SCUBE1: variants seen among roughly 807,000 people sequenced by gnomAD.
The protein encoded by SCUBE1 is signal peptide, CUB domain and EGF like domain containing 1.
A neutral mutation model predicts 124.4 loss-of-function variants in SCUBE1; 59 were observed. That is an observed-to-expected ratio of 0.47 (90% confidence interval 0.38 to 0.59). The LOEUF is 0.59. SCUBE1 is among the 20% of genes least tolerant of loss of function. SCUBE1 has a pLI of 0.00. For missense variants in SCUBE1, 1,150 were observed against 1,371.2 expected (o/e 0.84, Z 2.55); for synonymous variants, 545 against 550.9 (o/e 0.99, Z 0.15).
chr22:43,231,571 G>GT (rs1922553501), intron 8 of SCUBE1, among the ~76,000 whole-genome samples, 182 bp downstream of exon 8: 1 of 152,178 alleles, frequency 6.6e-6, no homozygotes, highest in South Asian at 2.1e-4. Flanking sequence ...GAGCCTCAGT[G>GT]TCCCATCAAT....
At chr22:43,331,410 T>C (rs887558559) in intron 2 of SCUBE1, among the ~76,000 whole-genome samples, 2 of 152,218 alleles carry the variant, frequency 1.3e-5, no homozygotes, top group African/African-American at 4.8e-5. Flanking sequence ...TATAGCATTT[T>C]GGAAAAGGCC....
chr22:43,238,995 A>G, intron 6 of SCUBE1, 41 bp from the exon 7 acceptor site: 1 of 1,507,782 alleles, frequency 6.6e-7, no homozygotes, highest in Non-Finnish European at 9.2e-7. Flanking sequence ...TTCCTTGGAC[A>G]GAAGCCACTG....
At position 43,211,084 on chromosome 22, in the gene SCUBE1, C is replaced by G. The variant is rs1921530577; in HGVS notation, c.2222-1G>C. On this transcript the variant is annotated splice_acceptor_variant, in intron 17 of 21. Transcript: ENST00000360835. LOFTEE classifies it high-confidence loss of function. This position sits in a 1 kb window ranked among gnomAD's most constrained non-coding sequence, Gnocchi z 4.5. ...TAGTGGTGGCCGGGGGAGCAGTGCA[C>G]TGCCGGGGGACACAAGGCAGTGTGG... The G allele has an allele frequency of 1.9e-6, 3 of 1,607,598 alleles. No individual in the cohort carries two copies. Among genetic ancestry groups the G allele is most frequent in the Non-Finnish European group, 2.5e-6 (3 of 1,176,924 alleles).
At chr22:43,303,908 A>C (rs896408423) in intron 3 of SCUBE1, among the ~76,000 whole-genome samples, 1 of 152,320 alleles carries the variant, frequency 6.6e-6, no homozygotes, top group Middle Eastern at 3.4e-3. Flanking sequence ...AGCCACGGCG[A>C]GCTGAGCTAA....
At chr22:43,207,748 C>G in intron 20 of SCUBE1, 135 bp from the exon 21 acceptor site, 1 of 742,700 alleles carries the variant, frequency 1.3e-6, no homozygotes, top group East Asian at 2.7e-5. Context: ...GCAGCTCTGC[C>G]TCTGTGCCTT....
chr22:43,280,043 G>A (rs1412803850), intron 4 of SCUBE1, among the ~76,000 whole-genome samples: 1 of 152,194 alleles, frequency 6.6e-6, no homozygotes, highest in African/African-American at 2.4e-5. Flanking sequence ...GCTGGGCCAG[G>A]CCTGAGCCAG....
At chr22:43,307,828 G>A (rs1926027305) in intron 3 of SCUBE1, among the ~76,000 whole-genome samples, 1 of 152,216 alleles carries the variant, frequency 6.6e-6, no homozygotes, top group Non-Finnish European at 1.5e-5. Context: ...CATATGACAG[G>A]GAAACTGAGG....
chr22:43,203,952 C>A lies in SCUBE1; in HGVS notation c.*45G>T, dbSNP rs200536877. ...GCTCCCACTGTGGAGGGCAGGTGCA[C>A]CCTCCGCGGACCAGGCCACCCCCAG... is the stretch of plus-strand genomic sequence containing the variant. On this transcript the variant is annotated 3_prime_UTR_variant, in exon 22 of 22. Coordinates refer to ENST00000360835, the MANE Select transcript of SCUBE1 (RefSeq NM_173050.5). 2 of 1,604,500 alleles carry A rather than the reference C, an allele frequency of 1.2e-6. No homozygotes were observed.
At chr22:43,341,917 G>C (rs1927329672) in intron 1 of SCUBE1, among the ~76,000 whole-genome samples, 1 of 152,054 alleles carries the variant, frequency 6.6e-6, no homozygotes, top group Non-Finnish European at 1.5e-5. Flanking sequence ...GCACGCCCAG[G>C]AACAGTCACT....
intron 10 of SCUBE1, among the ~76,000 whole-genome samples, chr22:43,226,259 T>G (rs906726376): frequency 9.9e-5 from 15 of 152,140 alleles, no homozygotes; most frequent in African/African-American, 3.6e-4. Flanking sequence ...ACCTGTAAAG[T>G]GCACATTACT....
At chr22:43,277,674 A>C (rs1175115184) in intron 4 of SCUBE1, among the ~76,000 whole-genome samples, 6 of 152,208 alleles carry the variant, frequency 3.9e-5, no homozygotes, top group African/African-American at 1.4e-4. Flanking sequence ...GCTACATGAC[A>C]CAGACTGTTC....
At position 43,217,102 on chromosome 22, in the gene SCUBE1, C is replaced by CCACCCCGCCAGGTGTCACCTCTTTA. The variant is rs1569497588; in HGVS notation, c.1891+1152_1891+1153insTAAAGAGGTGACACCTGGCGGGGTG. On this transcript the variant is annotated intron_variant, in intron 15 of 21. Transcript: ENST00000360835. The stretch of plus-strand genomic sequence containing the variant: ...TGTCACCTCTTTACCAACAGCTTCC[C>CCACCCCGCCAGGTGTCACCTCTTTA]CCAACCCCCACCCCCCATCCGCCAG... 5.8e-5 allele frequency among the ~76,000 whole-genome samples: 6 copies of CCACCCCGCCAGGTGTCACCTCTTTA among 103,890 alleles called. No homozygotes were observed. The East Asian group carries it at 1.4e-3, about 25-fold the overall frequency. The allele number at this position is 103,890 out of a possible 152,430, so 68.2% of individuals were successfully genotyped here. A position where few individuals can be genotyped will look rare whatever the true frequency, so the allele number is the denominator to read the frequency against.
At position 43,255,377 on chromosome 22, in the gene SCUBE1, C is replaced by A; in HGVS notation, c.727+2842G>T. On this transcript the variant is annotated intron_variant, in intron 6 of 21. Transcript: ENST00000360835. The surrounding 1 kb of genome is among the most constrained non-coding windows in gnomAD (Gnocchi z 4.7). The stretch of plus-strand genomic sequence containing the variant: ...CCCCCACACGCACACGTCACACCCA[C>A]ACACAGCACACACACGCCCATGTCC... 2.1e-6 allele frequency: 2 copies of A among 939,236 alleles called. No individual in the cohort carries two copies. Among genetic ancestry groups the A allele is most frequent in the Non-Finnish European group, 3.3e-6 (2 of 598,104 alleles). The allele number at this position is 939,236 out of a possible 1,614,324, so 58.2% of individuals were successfully genotyped here.
At chr22:43,246,349 G>GT (rs1188854237) in intron 6 of SCUBE1, among the ~76,000 whole-genome samples, 2 of 152,200 alleles carry the variant, frequency 1.3e-5, no homozygotes, top group African/African-American at 4.8e-5. Flanking sequence ...TTGAGATGCG[G>GT]TAAGGGGAAG....
At chr22:43,290,970 G>A in intron 4 of SCUBE1, 76 bp downstream of exon 4, 1 of 1,444,772 alleles carries the variant, frequency 6.9e-7, no homozygotes, top group Admixed American at 2.4e-5. Context: ...CCCCAGAATT[G>A]AGATGTGGAG....
At chr22:43,226,919 G>GC (rs1249370097) in intron 10 of SCUBE1, among the ~76,000 whole-genome samples, 11 of 152,112 alleles carry the variant, frequency 7.2e-5, no homozygotes, top group African/African-American at 2.7e-4. Context: ...CACATCCCCT[G>GC]CAACTGTGCC....
chr22:43,218,211 G>C, intron 15 of SCUBE1, 44 bp downstream of exon 15: 1 of 1,586,982 alleles, frequency 6.3e-7, no homozygotes, highest in Non-Finnish European at 8.6e-7. Flanking sequence ...CATGTGCAAG[G>C]AAGGACAGAG....
intron 21 of SCUBE1, among the ~76,000 whole-genome samples, chr22:43,207,237 A>G (rs563117372): frequency 4.6e-5 from 7 of 152,308 alleles, no homozygotes; most frequent in African/African-American, 9.6e-5. Context: ...CATTCTACAG[A>G]TGAGGAGAGT....
At chr22:43,341,478 T>G (rs1927315085) in intron 1 of SCUBE1, among the ~76,000 whole-genome samples, 1 of 152,184 alleles carries the variant, frequency 6.6e-6, no homozygotes, top group Non-Finnish European at 1.5e-5. Context: ...GGGGCCAGTA[T>G]GTAGGAATGA....
Sources: gnomAD v4.1 joint callset for allele counts (sites outside exome capture counted in the v4.1 genomes callset) on GRCh38, gnomAD v4.1.1 for gene constraint, Gnocchi (gnomAD v3.1) non-coding constraint, MANE v1.5 for transcripts, NCBI Gene and HGNC (gene_info 2026-07-23, HGNC 2026-07-21) for gene names.